SLC24A4: variants seen among roughly 807,000 people sequenced by gnomAD.
SLC24A4 encodes sodium/potassium/calcium exchanger 4.
SLC24A4 carries 53 observed loss-of-function variants against 79.0 expected under a neutral mutation model. The ratio of observed to expected loss-of-function variants is 0.67; its 90% confidence interval spans 0.54 to 0.84. The LOEUF is 0.84. Ranked by LOEUF, SLC24A4 falls within the 40% of genes least tolerant of loss-of-function variation. SLC24A4 has a pLI of 0.00. For synonymous variants in SLC24A4, 323 were observed against 323.8 expected, an observed-to-expected ratio of 1.00 and a Z score of 0.03; for missense variants, 731 against 822.0, an observed-to-expected ratio of 0.89 and a Z score of 1.35.
chr14:92,482,183 G>A (rs1391927048), intron 12 of SLC24A4, among the ~76,000 whole-genome samples: 2 of 152,232 alleles, frequency 1.3e-5, no homozygotes, highest in African/African-American at 4.8e-5. Flanking sequence ...TTTAACAGAT[G>A]AGGAAACCAA....
In SLC24A4 at chr14:92,490,928, C is replaced by T. The variant is rs1271355213; in HGVS notation, c.1538-737C>T. On this transcript the variant is annotated intron_variant, in intron 14 of 16. Transcript: ENST00000532405. The surrounding 1 kb of genome is among the most constrained non-coding windows in gnomAD (Gnocchi z 4.3). ...GCCCCTCTTGCCTCTCTGCCCTTGG[C>T]TGTCTTCATCTTTGCCCAGGTTCTC... Among the ~76,000 whole-genome samples, 8 of 152,242 alleles carry T rather than the reference C, an allele frequency of 5.3e-5. No homozygotes were observed. The highest frequency in any genetic ancestry group is 5.2e-4 in the Admixed American group (8 of 15,292).
At chr14:92,376,104 G>C (rs1334107349) in intron 2 of SLC24A4, among the ~76,000 whole-genome samples, 1 of 148,758 alleles carries the variant, frequency 6.7e-6, no homozygotes, top group Non-Finnish European at 1.5e-5. Context: ...ATGAGTTGGG[G>C]AGGATCTGCA....
intron 2 of SLC24A4, among the ~76,000 whole-genome samples, chr14:92,351,839 G>A (rs1436266268): frequency 1.3e-5 from 2 of 151,670 alleles, no homozygotes; most frequent in African/African-American, 2.4e-5. Context: ...ACTCCAGCCT[G>A]GGTGACAGGG....
At chr14:92,325,057 T>C (rs917623282) in intron 1 of SLC24A4, among the ~76,000 whole-genome samples, 1 of 152,056 alleles carries the variant, frequency 6.6e-6, no homozygotes, top group African/African-American at 2.4e-5. Context: ...GCTTTGCAAT[T>C]GGGCAAGTCA....
chr14:92,492,098 C>T lies in SLC24A4; in HGVS notation c.1651-77C>T, dbSNP rs897866220. The T allele has an allele frequency of 2.1e-5, 28 of 1,364,806 alleles. No individual in the cohort carries two copies. The African/African-American group carries it at 3.9e-4, about 19-fold the overall frequency. The allele number at this position is 1,364,806 out of a possible 1,614,324, so 84.5% of individuals were successfully genotyped here. The stretch of plus-strand genomic sequence containing the variant: ...TTCCTGATGAGGGAATGCATTGGGC[C>T]CAGGCATGCTGGGATTTCTGGATGG... On this transcript the variant is annotated intron_variant, in intron 15 of 16. Coordinates refer to ENST00000532405, the MANE Select transcript of SLC24A4 (RefSeq NM_153646.4).
chr14:92,466,402 A>G (rs1428557225), intron 12 of SLC24A4, among the ~76,000 whole-genome samples: 1 of 152,162 alleles, frequency 6.6e-6, no homozygotes, highest in African/African-American at 2.4e-5. Flanking sequence ...TGAGATACAG[A>G]GAGGCTAAAT....
At chr14:92,335,758 G>A (rs1348482000) in intron 2 of SLC24A4, among the ~76,000 whole-genome samples, 2 of 152,152 alleles carry the variant, frequency 1.3e-5, no homozygotes, top group African/African-American at 2.4e-5. Flanking sequence ...CTTCTGTGGA[G>A]CAAGACTTTT....
intron 2 of SLC24A4, among the ~76,000 whole-genome samples, chr14:92,431,819 G>A (rs542617145): frequency 2.2e-4 from 33 of 152,304 alleles, no homozygotes; most frequent in Non-Finnish European, 3.2e-4. Flanking sequence ...GACCAGGTTC[G>A]CACAAGCTCA....
chr14:92,330,353 A>T (rs1448185348), intron 2 of SLC24A4, among the ~76,000 whole-genome samples: 1 of 152,260 alleles, frequency 6.6e-6, no homozygotes, highest in South Asian at 2.1e-4. Context: ...AAAGCTTTAA[A>T]AAAATCTGCT....
At chr14:92,349,676 A>G (rs1461405293) in intron 2 of SLC24A4, among the ~76,000 whole-genome samples, 2 of 152,216 alleles carry the variant, frequency 1.3e-5, no homozygotes, top group African/African-American at 2.4e-5. Flanking sequence ...AAGTTTCCCA[A>G]CACCTCAAGG....
rs36185636 is a variant in SLC24A4 at position 92,474,863 on chromosome 14, A to ATATATATATTT, written c.1256-7816_1256-7815insATATATATTTT. Among the ~76,000 whole-genome samples, 78 of 57,110 alleles carry ATATATATATTT rather than the reference A, an allele frequency of 1.4e-3. 5 individuals carry two copies. Among genetic ancestry groups the ATATATATATTT allele is most frequent in the East Asian group, 0.012 (25 of 2,120 alleles). 37.5% of individuals were successfully genotyped at this position (57,110 alleles called of 152,430 possible). A position where few individuals can be genotyped will look rare whatever the true frequency, so the allele number is the denominator to read the frequency against. ...TGTGTGTATATATATATATATATAT[A>ATATATATATTT]TTTTTTTTTTTTTTAGTAGACACAG... On this transcript the variant is annotated intron_variant, in intron 12 of 16. Transcript: ENST00000532405.
intron 14 of SLC24A4, among the ~76,000 whole-genome samples, chr14:92,491,080 T>C (rs1895650078): frequency 6.6e-6 from 1 of 152,260 alleles, no homozygotes; most frequent in South Asian, 2.1e-4. Flanking sequence ...AAGATCGTTC[T>C]GGCATGCTGA....
At chr14:92,457,854 C>T (rs1042524782) in intron 12 of SLC24A4, among the ~76,000 whole-genome samples, 7 of 152,246 alleles carry the variant, frequency 4.6e-5, no homozygotes, top group Non-Finnish European at 1.0e-4. Context: ...GAGCACCTGA[C>T]TTGGGAGGTG....
chr14:92,328,392 G>A lies in SLC24A4; in HGVS notation c.241+2414G>A, dbSNP rs149831926. Reference sequence around the variant, plus strand: ...CTAGGTGACATTGAGGGACTCCAGCGGCTCCCCAGTGAGCAGCCCCGCAGG... The same window carrying A: ...CTAGGTGACATTGAGGGACTCCAGCAGCTCCCCAGTGAGCAGCCCCGCAGG... On this transcript the variant is annotated intron_variant, in intron 2 of 16. Transcript: ENST00000532405. Among the ~76,000 whole-genome samples, 278 of 152,306 alleles carry A rather than the reference G, an allele frequency of 1.8e-3. 1 individual carries two copies. Among genetic ancestry groups the A allele is most frequent in the Non-Finnish European group, 3.5e-3 (238 of 68,036 alleles).
intron 3 of SLC24A4, among the ~76,000 whole-genome samples, chr14:92,437,651 C>T (rs1283608632): frequency 1.3e-5 from 2 of 152,180 alleles, no homozygotes; most frequent in Non-Finnish European, 1.5e-5. Flanking sequence ...ATGACCTGTG[C>T]GTTTTAATGG....
chr14:92,347,926 A>T (rs1886633697), intron 2 of SLC24A4, among the ~76,000 whole-genome samples: 1 of 152,134 alleles, frequency 6.6e-6, no homozygotes, highest in Admixed American at 6.6e-5. Context: ...ACTCCATCTA[A>T]AAAAACAAAA....
Position 92,443,411 on chromosome 14 carries a change from G to T in SLC24A4, c.594G>T (p.Leu198=). The change falls in exon 7 of 17, where the codon CTG becomes CTT. Residue 198 remains leucine (L), a synonymous_variant. Coordinates refer to ENST00000532405, the MANE Select transcript of SLC24A4 (RefSeq NM_153646.4). The part of the protein sequence containing the change: ...CGLFAGQVVR[L]TWWAVCRDSV... The stretch of plus-strand genomic sequence containing the variant: ...GGCTCTGCTGGCAGGTGGTCCGTCT[G>T]ACGTGGTGGGCCGTGTGCCGAGACT... The T allele has an allele frequency of 6.2e-7, 1 of 1,614,154 alleles. No individual in the cohort carries two copies. The highest frequency in any genetic ancestry group is 8.5e-7 in the Non-Finnish European group (1 of 1,180,022).
intron 7 of SLC24A4, among the ~76,000 whole-genome samples, chr14:92,444,169 T>C (rs1892659700): frequency 6.6e-6 from 1 of 151,994 alleles, no homozygotes; most frequent in African/African-American, 2.4e-5. Flanking sequence ...GATAAAACAA[T>C]CTACGGATAC....
chr14:92,456,621 G>A lies in SLC24A4; in HGVS notation c.1255+13G>A, dbSNP rs1893485515. On this transcript the variant is annotated intron_variant, in intron 12 of 16. Coordinates refer to ENST00000532405, the MANE Select transcript of SLC24A4 (RefSeq NM_153646.4). ...TTCTCCGTGCCGGGTGAGTTCTGGG[G>A]GTACTGGACTCTCGGGCTACATTTT... The A allele has an allele frequency of 6.2e-7, 1 of 1,611,298 alleles. No individual in the cohort carries two copies. The highest frequency in any genetic ancestry group is 1.3e-5 in the African/African-American group (1 of 74,842).
Sources: gnomAD v4.1 joint callset for allele counts (sites outside exome capture counted in the v4.1 genomes callset) on GRCh38, gnomAD v4.1.1 for gene constraint, Gnocchi (gnomAD v3.1) non-coding constraint, MANE v1.5 for transcripts, NCBI Gene and HGNC (gene_info 2026-07-23, HGNC 2026-07-21) for gene names.